Variants in PEX5L observed in about 807,000 individuals in gnomAD.
The protein encoded by PEX5L is peroxisomal biogenesis factor 5 like.
A neutral mutation model predicts 84.0 loss-of-function variants in PEX5L; 30 were observed. The ratio of observed to expected loss-of-function variants is 0.36; its 90% CI spans 0.27 to 0.48. The LOEUF (loss-of-function observed/expected upper bound fraction) is 0.48. Ranked by LOEUF, PEX5L falls within the 20% of genes least tolerant of loss-of-function variation. PEX5L has a pLI of 0.99. For synonymous variants in PEX5L, 270 were observed against 283.1 expected (o/e 0.95, Z 0.46); for missense variants, 533 against 754.6 (o/e 0.71, Z 3.44).
intron 2 of PEX5L, among the ~76,000 whole-genome samples, chr3:179,934,355 G>C (rs1773987516): frequency 6.6e-6 from 1 of 152,164 alleles, no homozygotes. Flanking sequence ...AATAAACCAG[G>C]CTATTTAGGG....
At chr3:179,841,757 TCA>T (rs1737398821) in intron 8 of PEX5L, among the ~76,000 whole-genome samples, 1 of 152,202 alleles carries the variant, frequency 6.6e-6, no homozygotes, top group Non-Finnish European at 1.5e-5. Flanking sequence ...GTTTATCAAC[TCA>T]GAACAAGGTG....
At chr3:179,874,242 T>A in intron 7 of PEX5L, 85 bp downstream of exon 7, 1 of 789,726 alleles carries the variant, frequency 1.3e-6, no homozygotes, top group Non-Finnish European at 2.0e-6. Flanking sequence ...TACTTCAAAC[T>A]TTTTGTACAA....
intron 1 of PEX5L, among the ~76,000 whole-genome samples, chr3:179,987,666 A>G (rs1179834737): frequency 6.6e-6 from 1 of 152,134 alleles, no homozygotes; most frequent in Non-Finnish European, 1.5e-5. Flanking sequence ...CCTACCCCCA[A>G]CCTTACAAAA....
intron 2 of PEX5L, 140 bp from the exon 3 acceptor site, chr3:179,898,386 C>A: frequency 1.9e-6 from 1 of 526,814 alleles, no homozygotes; most frequent in South Asian, 4.6e-5. Flanking sequence ...AGGCTTTTGG[C>A]TGAGGAGAAA....
At chr3:179,980,759 T>C (rs1250855098) in intron 1 of PEX5L, among the ~76,000 whole-genome samples, 1 of 152,062 alleles carries the variant, frequency 6.6e-6, no homozygotes, top group African/African-American at 2.4e-5. Flanking sequence ...ACAGCAGAGT[T>C]GGCCAGGAGC....
intron 2 of PEX5L, among the ~76,000 whole-genome samples, chr3:179,961,201 ATG>A (rs72242969): frequency 1.2e-3 from 80 of 65,286 alleles, no homozygotes; most frequent in South Asian, 0.012. Flanking sequence ...GTGTATGTGT[ATG>A]TGTGTGTGTG....
rs955953814 is a variant in PEX5L, at chr3:179,798,022, GA to G, written c.*3805del. On this transcript the variant is annotated 3_prime_UTR_variant, in exon 15 of 15. Coordinates refer to ENST00000467460, the MANE Select transcript of PEX5L (RefSeq NM_016559.3). ...GACAAAGTTTATGATAAAGAGTTTG[GA>G]AGCTTTTATTATAAAAGTGGGACTA... 1.3e-5 allele frequency: 2 copies of G among 152,132 alleles called. No homozygotes were observed. Among genetic ancestry groups the G allele is most frequent in the Non-Finnish European group, 2.9e-5 (2 of 68,016 alleles). The allele number at this position is 152,132 out of a possible 1,614,324, so 9.4% of individuals were successfully genotyped here.
At chr3:179,887,808 T>G in intron 3 of PEX5L, 24 bp from the exon 4 acceptor site, 1 of 1,497,752 alleles carries the variant, frequency 6.7e-7, no homozygotes, top group Non-Finnish European at 9.3e-7. Flanking sequence ...AACAGAGGTG[T>G]CAAAGGGCTT....
intron 8 of PEX5L, among the ~76,000 whole-genome samples, chr3:179,843,989 G>C (rs1320566322): frequency 3.9e-5 from 6 of 152,242 alleles, no homozygotes; most frequent in Admixed American, 3.9e-4. Context: ...CTTTGCAGAA[G>C]TGGTGTCAAC....
At chr3:179,991,291 C>T (rs1462274100) in intron 1 of PEX5L, among the ~76,000 whole-genome samples, 1 of 152,182 alleles carries the variant, frequency 6.6e-6, no homozygotes, top group Non-Finnish European at 1.5e-5. Flanking sequence ...GATGCACTGT[C>T]ACTCCAGCTC....
chr3:179,839,846 A>T (rs1366826899), intron 8 of PEX5L, among the ~76,000 whole-genome samples: 5 of 152,230 alleles, frequency 3.3e-5, no homozygotes, highest in Non-Finnish European at 7.3e-5. Flanking sequence ...TGTTAGAATA[A>T]TTATGGAAGT....
At chr3:179,888,368 G>A (rs984211267) in intron 3 of PEX5L, among the ~76,000 whole-genome samples, 7 of 151,754 alleles carry the variant, frequency 4.6e-5, no homozygotes, top group African/African-American at 9.7e-5. Context: ...AGAAAATATT[G>A]TTATATTAAC....
chr3:179,940,351 A>G (rs1775746876), intron 2 of PEX5L, among the ~76,000 whole-genome samples: 1 of 151,856 alleles, frequency 6.6e-6, no homozygotes, highest in South Asian at 2.1e-4. Flanking sequence ...GAGAGAGAGA[A>G]GAGTGAAATT....
Position 179,797,791 on chromosome 3 carries a change from G to C in PEX5L, c.*4037C>G, listed in dbSNP as rs774274739. The C allele has an allele frequency of 2.6e-5, 4 of 151,740 alleles. No homozygotes were observed. Among genetic ancestry groups the C allele is most frequent in the Non-Finnish European group, 1.5e-5 (1 of 67,926 alleles). The allele number at this position is 151,740 out of a possible 1,614,324, so 9.4% of individuals were successfully genotyped here. A position where few individuals can be genotyped will look rare whatever the true frequency, so the allele number is the denominator to read the frequency against. The stretch of plus-strand genomic sequence containing the variant: ...CGTGTAATAATTTCTAAAATAAGAG[G>C]GTTCAAAAAGGATGGCATATAAAGT... On this transcript the variant is annotated 3_prime_UTR_variant, in exon 15 of 15. Transcript: ENST00000467460.
chr3:179,989,510 A>G lies in PEX5L; in HGVS notation c.22-17845T>C, dbSNP rs140480661. Among the ~76,000 whole-genome samples the G allele has an allele frequency of 2.9e-3, 449 of 152,302 alleles. 2 individuals carry two copies. The highest frequency in any genetic ancestry group is 0.01 in the African/African-American group (428 of 41,572). On this transcript the variant is annotated intron_variant, in intron 1 of 14. Transcript: ENST00000467460. The stretch of plus-strand genomic sequence containing the variant: ...TACAAAATTTATCCATTTATACATT[A>G]TATTCCTACCATACTAGCTATGTTA...
intron 5 of PEX5L, 126 bp downstream of exon 5, chr3:179,879,803 G>C: frequency 1.6e-6 from 1 of 617,330 alleles, no homozygotes; most frequent in South Asian, 2.9e-5. Context: ...GTCCTGTCCA[G>C]TTTCCACCAT....
At chr3:179,866,269 G>A (rs190990319) in intron 7 of PEX5L, among the ~76,000 whole-genome samples, 2 of 152,180 alleles carry the variant, frequency 1.3e-5, no homozygotes, top group East Asian at 3.9e-4. Context: ...TATTATCGCT[G>A]GAGGAGAAAA....
chr3:179,839,553 A>G (rs1346649582), intron 8 of PEX5L, among the ~76,000 whole-genome samples: 1 of 152,214 alleles, frequency 6.6e-6, no homozygotes, highest in Non-Finnish European at 1.5e-5. Flanking sequence ...AAAGTCTTAT[A>G]CTGAGAAAAA....
intron 2 of PEX5L, among the ~76,000 whole-genome samples, chr3:179,970,092 CA>C (rs757800611): frequency 2.7e-5 from 4 of 148,946 alleles, no homozygotes; most frequent in Non-Finnish European, 5.9e-5. Context: ...AAGATTTAGG[CA>C]AAAAAGAAAG....
Sources: gnomAD v4.1 joint callset for allele counts (sites outside exome capture counted in the v4.1 genomes callset) on GRCh38, gnomAD v4.1.1 for gene constraint, MANE v1.5 for transcripts, NCBI Gene and HGNC (gene_info 2026-07-23, HGNC 2026-07-21) for gene names.